ZNF804A: variants seen among roughly 807,000 people sequenced by gnomAD.
ZNF804A encodes the protein zinc finger protein 804A.
A neutral mutation model predicts 16.5 loss-of-function variants in ZNF804A; 2 were observed. The ratio of observed to expected loss-of-function variants is 0.12; its 90% CI spans 0.05 to 0.38. The LOEUF (loss-of-function observed/expected upper bound fraction) is 0.38, where lower values mean the gene tolerates loss of function less well. ZNF804A is among the 10% of genes least tolerant of loss of function. ZNF804A has a pLI of 0.99. For missense variants in ZNF804A, 1,473 were observed against 1,390.7 expected (o/e 1.06, Z -0.94); for synonymous variants, 534 against 489.6 (o/e 1.09, Z -1.20).
At chr2:184,919,026 T>C (rs1685492862) in intron 2 of ZNF804A, among the ~76,000 whole-genome samples, 1 of 152,210 alleles carries the variant, frequency 6.6e-6, no homozygotes, top group African/African-American at 2.4e-5. Flanking sequence ...GTAGAAAACA[T>C]GGTAAGAGAA....
chr2:184,843,775 T>A (rs2105800929), intron 1 of ZNF804A, among the ~76,000 whole-genome samples: 1 of 152,276 alleles, frequency 6.6e-6, no homozygotes, highest in South Asian at 2.1e-4. Flanking sequence ...TTATGTATAT[T>A]TAAAGTGGTT....
chr2:184,687,075 T>C (rs1409265604), intron 1 of ZNF804A, among the ~76,000 whole-genome samples: 1 of 152,176 alleles, frequency 6.6e-6, no homozygotes, highest in Non-Finnish European at 1.5e-5. Flanking sequence ...CTTTGGGGAT[T>C]TAATAAAAAA....
intron 1 of ZNF804A, among the ~76,000 whole-genome samples, chr2:184,768,085 G>A (rs989208528): frequency 3.3e-5 from 5 of 151,570 alleles, no homozygotes; most frequent in Non-Finnish European, 5.9e-5. Context: ...CAACCAACCC[G>A]GATCAAAATA....
At chr2:184,876,499 C>T (rs556359134) in intron 2 of ZNF804A, among the ~76,000 whole-genome samples, 1 of 152,214 alleles carries the variant, frequency 6.6e-6, no homozygotes, top group South Asian at 2.1e-4. Flanking sequence ...ACAGTTTGCT[C>T]CTACAGAGCC....
At chr2:184,754,482 C>T (rs1487573902) in intron 1 of ZNF804A, among the ~76,000 whole-genome samples, 3 of 151,868 alleles carry the variant, frequency 2.0e-5, no homozygotes, top group African/African-American at 7.2e-5. Context: ...ATGTGCTATT[C>T]ATGAGCACAT....
At chr2:184,730,269 C>T (rs774573121) in intron 1 of ZNF804A, among the ~76,000 whole-genome samples, 2 of 151,980 alleles carry the variant, frequency 1.3e-5, no homozygotes, top group African/African-American at 2.4e-5. Flanking sequence ...GCAGAAAGTA[C>T]AGAAATTTCC....
At position 184,909,028 on chromosome 2, in the gene ZNF804A, T is replaced by C. The variant is rs1685320247; in HGVS notation, c.256-24575T>C. Among the ~76,000 whole-genome samples the C allele has an allele frequency of 2.0e-5, 3 of 152,108 alleles. No individual in the cohort carries two copies. The South Asian group carries it at 6.2e-4, about 31-fold the overall frequency. The stretch of plus-strand genomic sequence containing the variant: ...TATTTTTTTCTTACAGTTTCATAAG[T>C]TGAAATTTGTGTACAATAGCTCCTT... On this transcript the variant is annotated intron_variant, in intron 2 of 3. Coordinates refer to ENST00000302277, the MANE Select transcript of ZNF804A (RefSeq NM_194250.2).
At chr2:184,850,977 C>A (rs1004654388) in intron 1 of ZNF804A, among the ~76,000 whole-genome samples, 1 of 151,544 alleles carries the variant, frequency 6.6e-6, no homozygotes, top group Non-Finnish European at 1.5e-5. Context: ...CAACCATGAG[C>A]GGTTATTTTA....
intron 1 of ZNF804A, among the ~76,000 whole-genome samples, chr2:184,796,816 T>A (rs1694635929): frequency 6.6e-6 from 1 of 152,130 alleles, no homozygotes; most frequent in Non-Finnish European, 1.5e-5. Context: ...GAGGTTGGGG[T>A]AGGTTGTGTC....
intron 2 of ZNF804A, among the ~76,000 whole-genome samples, chr2:184,911,606 A>G (rs1685359608): frequency 6.6e-6 from 1 of 151,510 alleles, no homozygotes; most frequent in Non-Finnish European, 1.5e-5. Flanking sequence ...ATTCATGAGC[A>G]TGGAATTTTT....
intron 1 of ZNF804A, among the ~76,000 whole-genome samples, chr2:184,608,608 G>A (rs1437486765): frequency 1.3e-5 from 2 of 152,134 alleles, no homozygotes; most frequent in Admixed American, 6.5e-5. Flanking sequence ...TTAGTGTATC[G>A]TGAAACTTTA....
At position 184,669,570 on chromosome 2, in the gene ZNF804A, C is replaced by T. The variant is rs570547676; in HGVS notation, c.111+70500C>T. Among the ~76,000 whole-genome samples, 7 of 152,132 alleles carry T rather than the reference C, an allele frequency of 4.6e-5. No homozygotes were observed. In the South Asian group the frequency reaches 1.5e-3, roughly 32 times the overall value. ...ACCCTGGTTCTTTATACATCCACTA[C>T]CCACATGAAATGTTGAAAATGGCTG... On this transcript the variant is annotated intron_variant, in intron 1 of 3. Transcript: ENST00000302277.
chr2:184,638,979 A>T (rs1333119717), intron 1 of ZNF804A, among the ~76,000 whole-genome samples: 1 of 152,000 alleles, frequency 6.6e-6, no homozygotes, highest in East Asian at 1.9e-4. Context: ...TTTCTCATCA[A>T]ATCACACTCT....
At chr2:184,673,411 T>C (rs1427670231) in intron 1 of ZNF804A, among the ~76,000 whole-genome samples, 1 of 152,216 alleles carries the variant, frequency 6.6e-6, no homozygotes, top group Non-Finnish European at 1.5e-5. Context: ...ATTTACCATA[T>C]CTTGATTATC....
intron 1 of ZNF804A, among the ~76,000 whole-genome samples, chr2:184,665,768 T>G (rs1186149763): frequency 6.6e-6 from 1 of 152,208 alleles, no homozygotes; most frequent in Non-Finnish European, 1.5e-5. Context: ...GGGGCTGCTA[T>G]CTGCTTCTGG....
Position 184,936,176 on chromosome 2 carries a change from A to G in ZNF804A, c.780A>G (p.Gln260=). The change falls in exon 4 of 4, where the codon CAA becomes CAG. Residue 260 remains glutamine, a synonymous_variant. Transcript: ENST00000302277. The part of the protein sequence containing the change: ...SRFVPSACHL[Q]QSSPTDVLLS... Reference sequence around the variant, plus strand: ...TTGTCCCCAGTGCTTGTCATCTTCAACAATCTTCACCAACAGATGTGCTTT... The same window carrying G: ...TTGTCCCCAGTGCTTGTCATCTTCAGCAATCTTCACCAACAGATGTGCTTT... 1 of 1,614,088 alleles carries G rather than the reference A, an allele frequency of 6.2e-7. No homozygotes were observed. The highest frequency in any genetic ancestry group is 8.5e-7 in the Non-Finnish European group (1 of 1,179,962).
At chr2:184,907,387 G>A (rs1413830569) in intron 2 of ZNF804A, among the ~76,000 whole-genome samples, 4 of 151,992 alleles carry the variant, frequency 2.6e-5, no homozygotes, top group Non-Finnish European at 5.9e-5. Flanking sequence ...TCTTGTTTTT[G>A]ACAATTACAC....
At chr2:184,857,310 C>A (rs1028286801) in intron 1 of ZNF804A, among the ~76,000 whole-genome samples, 1 of 151,812 alleles carries the variant, frequency 6.6e-6, no homozygotes, top group African/African-American at 2.4e-5. Flanking sequence ...TTATTGATTC[C>A]TTGTTTTATA....
chr2:184,794,134 A>G (rs1694593771), intron 1 of ZNF804A, among the ~76,000 whole-genome samples: 1 of 152,068 alleles, frequency 6.6e-6, no homozygotes, highest in African/African-American at 2.4e-5. Context: ...TTAGTTCTTT[A>G]AGGAATCTCC....
Sources: allele counts gnomAD v4.1 joint callset (sites outside exome capture counted in the v4.1 genomes callset), GRCh38; gene constraint gnomAD v4.1.1; transcripts MANE v1.5; gene names NCBI Gene and HGNC (gene_info 2026-07-23, HGNC 2026-07-21).